Variants in HS6ST3 observed in about 807,000 individuals in gnomAD.
HS6ST3 encodes heparan sulfate 6-O-sulfotransferase 3, also known as heparan-sulfate 6-O-sulfotransferase 3.
HS6ST3 carries 12 observed loss-of-function variants against 36.7 expected under a neutral mutation model. The observed-to-expected ratio is 0.33, with a 90% confidence interval of 0.21 to 0.53. The LOEUF is 0.53. HS6ST3 is among the 20% of genes least tolerant of loss of function. HS6ST3 has a pLI of 0.95. For synonymous variants in HS6ST3, 240 were observed against 257.5 expected (o/e 0.93, Z 0.65); for missense variants, 584 against 640.9 (o/e 0.91, Z 0.96).
intron 1 of HS6ST3, among the ~76,000 whole-genome samples, chr13:96,192,662 G>A (rs1467390271): frequency 6.6e-6 from 1 of 151,116 alleles, no homozygotes; most frequent in Non-Finnish European, 1.5e-5. Flanking sequence ...AGACATTTAG[G>A]TTGGTTCCAG....
chr13:96,140,306 C>T (rs1407228166), intron 1 of HS6ST3, among the ~76,000 whole-genome samples: 2 of 152,126 alleles, frequency 1.3e-5, no homozygotes, highest in African/African-American at 4.8e-5. Context: ...CCTTCTATGG[C>T]TATTGCAGTG....
At chr13:96,326,907 A>G (rs1241985678) in intron 1 of HS6ST3, among the ~76,000 whole-genome samples, 1 of 149,846 alleles carries the variant, frequency 6.7e-6, no homozygotes, top group Non-Finnish European at 1.5e-5. Context: ...TGTGGTTTTG[A>G]TTTGCATTTC....
At chr13:96,404,068 T>A (rs1045813465) in intron 1 of HS6ST3, among the ~76,000 whole-genome samples, 4 of 152,238 alleles carry the variant, frequency 2.6e-5, no homozygotes, top group Non-Finnish European at 5.9e-5. Context: ...GAATAGTGAT[T>A]TCTTTTAGCA....
intron 1 of HS6ST3, among the ~76,000 whole-genome samples, chr13:96,541,989 GCTTT>G (rs1175445875): frequency 6.6e-6 from 1 of 152,084 alleles, no homozygotes; most frequent in Non-Finnish European, 1.5e-5. Context: ...TTTTGTGTTT[GCTTT>G]CTTTCTTACT....
chr13:96,713,228 C>G (rs577961329), intron 1 of HS6ST3, among the ~76,000 whole-genome samples: 1 of 152,272 alleles, frequency 6.6e-6, no homozygotes, highest in East Asian at 1.9e-4. Context: ...AATATGGACT[C>G]TAAATATTCT....
At chr13:96,143,831 A>C (rs2054043481) in intron 1 of HS6ST3, among the ~76,000 whole-genome samples, 1 of 152,054 alleles carries the variant, frequency 6.6e-6, no homozygotes, top group Admixed American at 6.6e-5. Context: ...GCAGCATCCT[A>C]ATGGGGTTGG....
At chr13:96,148,030 A>G (rs575182890) in intron 1 of HS6ST3, among the ~76,000 whole-genome samples, 1 of 152,312 alleles carries the variant, frequency 6.6e-6, no homozygotes, top group East Asian at 1.9e-4. Context: ...GATGACCCAA[A>G]AATTGGGTAA....
intron 1 of HS6ST3, among the ~76,000 whole-genome samples, chr13:96,735,871 G>C (rs1281431668): frequency 1.3e-5 from 2 of 152,140 alleles, no homozygotes; most frequent in East Asian, 3.9e-4. Flanking sequence ...ATACACTGTG[G>C]AATACTATGC....
intron 1 of HS6ST3, among the ~76,000 whole-genome samples, chr13:96,742,442 C>G (rs1042570363): frequency 6.6e-6 from 1 of 151,960 alleles, no homozygotes; most frequent in African/African-American, 2.4e-5. Context: ...AATGACACCC[C>G]TAAAACATAC....
At chr13:96,400,741 G>A (rs1338695650) in intron 1 of HS6ST3, among the ~76,000 whole-genome samples, 1 of 152,106 alleles carries the variant, frequency 6.6e-6, no homozygotes, top group African/African-American at 2.4e-5. Flanking sequence ...ATTTGTCTCC[G>A]ACAAACCTAA....
At chr13:96,442,619 G>A (rs2055678254) in intron 1 of HS6ST3, among the ~76,000 whole-genome samples, 1 of 152,134 alleles carries the variant, frequency 6.6e-6, no homozygotes, top group South Asian at 2.1e-4. Context: ...GAAGTTATGA[G>A]CTTCAAATAG....
At chr13:96,332,149 G>C (rs1008940020) in intron 1 of HS6ST3, among the ~76,000 whole-genome samples, 1 of 152,164 alleles carries the variant, frequency 6.6e-6, no homozygotes, top group Non-Finnish European at 1.5e-5. Flanking sequence ...CTTCTGTGTC[G>C]CTCGTGCTGG....
intron 1 of HS6ST3, among the ~76,000 whole-genome samples, chr13:96,576,816 C>T (rs1019700139): frequency 2.0e-5 from 3 of 151,702 alleles, no homozygotes; most frequent in African/African-American, 4.8e-5. Flanking sequence ...TGGTGACATG[C>T]GCCTGTAATC....
At chr13:96,213,083 G>A (rs183645633) in intron 1 of HS6ST3, among the ~76,000 whole-genome samples, 3 of 152,304 alleles carry the variant, frequency 2.0e-5, no homozygotes, top group Admixed American at 1.3e-4. Flanking sequence ...GTTAGGTCAA[G>A]GGATTTTTAT....
At chr13:96,578,617 A>G (rs1369901631) in intron 1 of HS6ST3, among the ~76,000 whole-genome samples, 5 of 152,082 alleles carry the variant, frequency 3.3e-5, no homozygotes, top group Non-Finnish European at 4.4e-5. Flanking sequence ...CTGTAGTGCA[A>G]TGGTGTGATC....
intron 1 of HS6ST3, among the ~76,000 whole-genome samples, chr13:96,255,119 T>C (rs1415395131): frequency 6.6e-6 from 1 of 152,224 alleles, no homozygotes; most frequent in African/African-American, 2.4e-5. Flanking sequence ...AATTAGTATC[T>C]GTTACCTAGC....
intron 1 of HS6ST3, among the ~76,000 whole-genome samples, chr13:96,196,313 C>T (rs1249931897): frequency 6.6e-6 from 1 of 152,146 alleles, no homozygotes; most frequent in East Asian, 1.9e-4. Flanking sequence ...ATCCTCTTGG[C>T]CTCGCCTACT....
intron 1 of HS6ST3, among the ~76,000 whole-genome samples, chr13:96,300,902 A>G (rs942032340): frequency 1.3e-5 from 2 of 152,226 alleles, no homozygotes; most frequent in Non-Finnish European, 2.9e-5. Context: ...CGTAACATCA[A>G]AAAATACCAG....
intron 1 of HS6ST3, among the ~76,000 whole-genome samples, chr13:96,255,109 A>G (rs2054630525): frequency 1.3e-5 from 2 of 152,202 alleles, no homozygotes; most frequent in South Asian, 4.1e-4. Flanking sequence ...TTCAACAAGT[A>G]ATTAGTATCT....
Sources: allele counts gnomAD v4.1 joint callset (sites outside exome capture counted in the v4.1 genomes callset), GRCh38; gene constraint gnomAD v4.1.1; transcripts MANE v1.5; gene names NCBI Gene and HGNC (gene_info 2026-07-23, HGNC 2026-07-21).